The following VPS13B variants were observed in gnomAD, a reference collection of about 807,000 sequenced individuals.
VPS13B encodes the protein intermembrane lipid transfer protein VPS13B.
VPS13B carries 285 observed loss-of-function variants against 426.4 expected under a neutral mutation model. The ratio of observed to expected loss-of-function variants is 0.67; its 90% CI spans 0.61 to 0.74. The LOEUF (loss-of-function observed/expected upper bound fraction) is 0.74, where lower values mean the gene tolerates loss of function less well. Ranked by LOEUF, VPS13B falls within the 30% of genes least tolerant of loss-of-function variation. VPS13B has a pLI of 0.00. For missense variants in VPS13B, 4,537 were observed against 4,782.6 expected, an observed-to-expected ratio of 0.95 and a Z score of 1.51; for synonymous variants, 1,676 against 1,676.4, an observed-to-expected ratio of 1.00 and a Z score of 0.01.
intron 30 of VPS13B, among the ~76,000 whole-genome samples, chr8:99,539,801 T>A (rs1470438318): frequency 6.6e-6 from 1 of 151,582 alleles, no homozygotes; most frequent in Non-Finnish European, 1.5e-5. Context: ...AAAAGATGCC[T>A]GCAAATAAGT....
At chr8:99,115,409 C>G (rs933247858) in intron 6 of VPS13B, among the ~76,000 whole-genome samples, 1 of 151,904 alleles carries the variant, frequency 6.6e-6, no homozygotes, top group Non-Finnish European at 1.5e-5. Flanking sequence ...AACTTTGTTT[C>G]TGGAATAGTA....
At chr8:99,193,318 G>C (rs1813708860) in intron 17 of VPS13B, among the ~76,000 whole-genome samples, 1 of 151,966 alleles carries the variant, frequency 6.6e-6, no homozygotes, top group East Asian at 1.9e-4. Flanking sequence ...TTACCCTTTG[G>C]ATAACTTTTG....
At chr8:99,702,600 A>C (rs1466982728) in intron 36 of VPS13B, among the ~76,000 whole-genome samples, 1 of 152,180 alleles carries the variant, frequency 6.6e-6, no homozygotes, top group Non-Finnish European at 1.5e-5. Flanking sequence ...CCCCAATGAG[A>C]GAACACACTT....
chr8:99,495,040 G>C (rs1820813280), intron 25 of VPS13B, among the ~76,000 whole-genome samples: 1 of 151,902 alleles, frequency 6.6e-6, no homozygotes, highest in Admixed American at 6.6e-5. Flanking sequence ...ATGTCAAATA[G>C]TGATTATATT....
At chr8:99,638,691 T>C (rs1829167686) in intron 33 of VPS13B, among the ~76,000 whole-genome samples, 1 of 152,184 alleles carries the variant, frequency 6.6e-6, no homozygotes, top group Admixed American at 6.6e-5. Context: ...AGAGATAGGA[T>C]TCTTTGAAGT....
At chr8:99,483,331 G>GT (rs1820140580) in intron 25 of VPS13B, among the ~76,000 whole-genome samples, 1 of 152,056 alleles carries the variant, frequency 6.6e-6, no homozygotes, top group Non-Finnish European at 1.5e-5. Context: ...AAATGAGCCT[G>GT]TATCAAGTTA....
chr8:99,498,215 G>A (rs1476834126), intron 25 of VPS13B, among the ~76,000 whole-genome samples: 5 of 151,884 alleles, frequency 3.3e-5, no homozygotes, highest in African/African-American at 1.2e-4. Flanking sequence ...ATGTATCTGG[G>A]GAACACTTTG....
chr8:99,106,683 A>G (rs1167397759), intron 5 of VPS13B, among the ~76,000 whole-genome samples: 2 of 152,168 alleles, frequency 1.3e-5, no homozygotes, highest in African/African-American at 4.8e-5. Flanking sequence ...TTTTGTATGA[A>G]TGGAACCATA....
intron 12 of VPS13B, 81 bp downstream of exon 12, chr8:99,136,833 T>G: frequency 2.3e-6 from 3 of 1,320,336 alleles, no homozygotes; most frequent in Non-Finnish European, 3.3e-6. Flanking sequence ...GGTCCTTGAC[T>G]GGTTGTACTC....
intron 14 of VPS13B, among the ~76,000 whole-genome samples, chr8:99,154,414 A>T (rs557739448): frequency 4.5e-4 from 69 of 152,144 alleles, no homozygotes; most frequent in Admixed American, 1.1e-3. Flanking sequence ...TACTGAGATA[A>T]CTTCAAGCTT....
chr8:99,272,224 G>T (rs1228524003), intron 17 of VPS13B, among the ~76,000 whole-genome samples: 1 of 152,036 alleles, frequency 6.6e-6, no homozygotes, highest in Non-Finnish European at 1.5e-5. Flanking sequence ...GTGTGGAAAG[G>T]GAAAAAGAAG....
intron 19 of VPS13B, among the ~76,000 whole-genome samples, chr8:99,306,369 G>A (rs80308257): frequency 0.02 from 3,105 of 152,048 alleles, 114 homozygotes; most frequent in African/African-American, 0.071. Context: ...TATATTTTAG[G>A]GGTATTTGAC....
chr8:99,651,258 A>G lies in VPS13B; in HGVS notation c.5908+8760A>G, dbSNP rs561448833. On this transcript the variant is annotated intron_variant, in intron 34 of 61. Transcript: ENST00000357162. ...AAAGTATGATAATTATAATTTTGAA[A>G]GTCCTATTAATAGAGTATAATTCAT... Among the ~76,000 whole-genome samples the G allele has an allele frequency of 4.6e-5, 7 of 152,316 alleles. No homozygotes were observed. The South Asian group carries it at 1.4e-3, about 32-fold the overall frequency.
In VPS13B at chr8:99,142,984, T is replaced by C; in HGVS notation, c.1662T>C (p.Asn554=). 8.7e-6 allele frequency: 14 copies of C among 1,613,318 alleles called. No individual in the cohort carries two copies. Among genetic ancestry groups the C allele is most frequent in the Non-Finnish European group, 1.2e-5 (14 of 1,179,760 alleles). Residue 554 remains asparagine, a synonymous_variant, in exon 13 of 62, where the codon AAT becomes AAC. Coordinates refer to ENST00000357162, the MANE Select transcript of VPS13B (RefSeq NM_152564.5). ...TTTGACTTCTTTTAGGTTCCACAAA[T>C]CAACAAGACTTTTCTTCAGGGAAAA... The part of the protein sequence containing the change: ...MENTSGKGST[N]QQDFSSGKSE...
At chr8:99,027,764 T>A (rs942205080) in intron 2 of VPS13B, among the ~76,000 whole-genome samples, 28 of 152,048 alleles carry the variant, frequency 1.8e-4, no homozygotes, top group Non-Finnish European at 3.5e-4. Context: ...TTATTTTTAT[T>A]GATCATTCTT....
intron 35 of VPS13B, among the ~76,000 whole-genome samples, chr8:99,676,593 G>C (rs1830943088): frequency 6.6e-6 from 1 of 151,888 alleles, no homozygotes; most frequent in Admixed American, 6.6e-5. Flanking sequence ...AGTTGACACA[G>C]AGAATGTCCT....
chr8:99,872,094 G>T (rs140686264), intron 61 of VPS13B, among the ~76,000 whole-genome samples: 1 of 152,138 alleles, frequency 6.6e-6, no homozygotes, highest in South Asian at 2.1e-4. Context: ...GCAATTCCAC[G>T]CAACTGCTCC....
At chr8:99,039,934 C>T (rs1281654631) in intron 3 of VPS13B, among the ~76,000 whole-genome samples, 1 of 152,040 alleles carries the variant, frequency 6.6e-6, no homozygotes, top group East Asian at 1.9e-4. Context: ...ATTTAGAAAT[C>T]TGTGGATAGT....
At chr8:99,435,864 T>C (rs1817342545) in intron 22 of VPS13B, among the ~76,000 whole-genome samples, 1 of 152,160 alleles carries the variant, frequency 6.6e-6, no homozygotes, top group African/African-American at 2.4e-5. Context: ...ATTTGAAATG[T>C]ATGTGAGACA....
Sources: gnomAD v4.1 joint callset for allele counts (sites outside exome capture counted in the v4.1 genomes callset) on GRCh38, gnomAD v4.1.1 for gene constraint, MANE v1.5 for transcripts, NCBI Gene and HGNC (gene_info 2026-07-23, HGNC 2026-07-21) for gene names.